Variants in LRRTM4 observed in about 807,000 individuals in gnomAD.
LRRTM4 encodes the protein leucine-rich repeat transmembrane neuronal protein 4.
A neutral mutation model predicts 47.6 loss-of-function variants in LRRTM4; 25 were observed. The ratio of observed to expected loss-of-function variants is 0.53; its 90% CI spans 0.38 to 0.73. The LOEUF is 0.73. Ranked by LOEUF, LRRTM4 falls within the 30% of genes least tolerant of loss-of-function variation. The probability of loss-of-function intolerance (pLI) is 0.00; values close to 1 mark genes in which losing one functional copy is unlikely to be tolerated. For synonymous variants in LRRTM4, 311 were observed against 269.5 expected (o/e 1.15, Z -1.51); for missense variants, 638 against 713.4 (o/e 0.89, Z 1.20).
chr2:77,106,500 A>T (rs1022593001), intron 3 of LRRTM4, among the ~76,000 whole-genome samples: 3 of 152,132 alleles, frequency 2.0e-5, no homozygotes, highest in African/African-American at 7.2e-5. Context: ...TGGCTGATAT[A>T]TCTTTGAGGG....
In LRRTM4 at chr2:77,124,483, T is replaced by C. The variant is rs541046349; in HGVS notation, c.1552-375567A>G. On this transcript the variant is annotated intron_variant, in intron 3 of 3. Coordinates refer to ENST00000409884, the MANE Select transcript of LRRTM4 (RefSeq NM_001134745.3). ...GCACAGAGCAGCACGAGTTCAGAAGTTTTAAAGAAAACTTACTGTCAATGA... is the reference window on the plus strand; with the variant it reads ...GCACAGAGCAGCACGAGTTCAGAAGCTTTAAAGAAAACTTACTGTCAATGA... Among the ~76,000 whole-genome samples, 318 of 152,096 alleles carry C rather than the reference T, an allele frequency of 2.1e-3. 1 individual carries two copies. Among genetic ancestry groups the C allele is most frequent in the African/African-American group, 7.3e-3 (303 of 41,506 alleles).
At chr2:77,512,003 GAGGCTATTCAT>G (rs2104105659) in intron 3 of LRRTM4, among the ~76,000 whole-genome samples, 1 of 152,222 alleles carries the variant, frequency 6.6e-6, no homozygotes, top group East Asian at 1.9e-4. Context: ...TTGGAGCACA[GAGGCTATTCAT>G]AGGCTCAAAC....
At chr2:76,925,518 T>C (rs35601932) in intron 3 of LRRTM4, among the ~76,000 whole-genome samples, 10,913 of 152,234 alleles carry the variant, frequency 0.072, 950 homozygotes, top group African/African-American at 0.2. Context: ...ATTAAGCTTA[T>C]GGTTGTTTGT....
intron 3 of LRRTM4, among the ~76,000 whole-genome samples, chr2:76,837,965 T>G (rs2103920639): frequency 6.6e-6 from 1 of 151,856 alleles, no homozygotes; most frequent in East Asian, 1.9e-4. Context: ...AGGGATAGCA[T>G]TAGGAGATAT....
intron 3 of LRRTM4, among the ~76,000 whole-genome samples, chr2:77,060,047 CCTAT>C (rs1679735641): frequency 6.6e-6 from 1 of 152,150 alleles, no homozygotes; most frequent in African/African-American, 2.4e-5. Flanking sequence ...AGTCTGGCCG[CCTAT>C]CTGTGTGTCA....
chr2:77,090,748 G>A (rs1263656121), intron 3 of LRRTM4, among the ~76,000 whole-genome samples: 3 of 152,082 alleles, frequency 2.0e-5, no homozygotes, highest in Non-Finnish European at 2.9e-5. Flanking sequence ...ACTGGAAATC[G>A]GACTGTTCAA....
At chr2:77,249,429 C>A (rs1675541775) in intron 3 of LRRTM4, among the ~76,000 whole-genome samples, 1 of 151,750 alleles carries the variant, frequency 6.6e-6, no homozygotes, top group African/African-American at 2.4e-5. Flanking sequence ...TGAGAAGCCA[C>A]AAACCGTAGG....
intron 3 of LRRTM4, among the ~76,000 whole-genome samples, chr2:77,438,370 C>T (rs1445670981): frequency 6.8e-6 from 1 of 146,046 alleles, no homozygotes; most frequent in Non-Finnish European, 1.5e-5. Flanking sequence ...CTAAAAGCTA[C>T]ATTTTCGCTC....
intron 3 of LRRTM4, among the ~76,000 whole-genome samples, chr2:77,256,106 C>T (rs1230443548): frequency 6.6e-6 from 1 of 151,918 alleles, no homozygotes; most frequent in East Asian, 1.9e-4. Context: ...TTTATAGTCT[C>T]TGTAAATATC....
chr2:77,077,466 G>A (rs941478093), intron 3 of LRRTM4, among the ~76,000 whole-genome samples: 1 of 152,122 alleles, frequency 6.6e-6, no homozygotes, highest in African/African-American at 2.4e-5. Context: ...AGTCAGAAAT[G>A]TTGGGAAATT....
chr2:76,841,394 G>C (rs756505547), intron 3 of LRRTM4, among the ~76,000 whole-genome samples: 22 of 151,828 alleles, frequency 1.4e-4, no homozygotes, highest in Non-Finnish European at 2.1e-4. Context: ...CCTGCACGTT[G>C]TGCACATGTA....
chr2:77,098,502 T>G (rs2103904846), intron 3 of LRRTM4, among the ~76,000 whole-genome samples: 1 of 152,116 alleles, frequency 6.6e-6, no homozygotes, highest in South Asian at 2.1e-4. Flanking sequence ...AAATTTATAG[T>G]TGTAGTTAAA....
At chr2:77,144,769 GAA>G (rs200395127) in intron 3 of LRRTM4, among the ~76,000 whole-genome samples, 1 of 150,252 alleles carries the variant, frequency 6.7e-6, no homozygotes, top group Non-Finnish European at 1.5e-5. Flanking sequence ...TGATCAAAGA[GAA>G]AAAAAAAGCA....
intron 3 of LRRTM4, among the ~76,000 whole-genome samples, chr2:77,424,433 G>GAAC (rs35795730): frequency 0.35 from 53,850 of 151,858 alleles, 9,627 homozygotes; most frequent in South Asian, 0.37. Flanking sequence ...ATTATACAGT[G>GAAC]AACTGATGAG....
At chr2:76,964,249 G>A (rs1296687739) in intron 3 of LRRTM4, among the ~76,000 whole-genome samples, 2 of 149,366 alleles carry the variant, frequency 1.3e-5, no homozygotes, top group African/African-American at 5.0e-5. Flanking sequence ...AACATTTTAA[G>A]CAATAAAAAA....
intron 3 of LRRTM4, among the ~76,000 whole-genome samples, chr2:76,803,389 A>T (rs531197457): frequency 1.3e-5 from 2 of 152,294 alleles, no homozygotes; most frequent in African/African-American, 4.8e-5. Flanking sequence ...AATTTAAACC[A>T]AAATGAGATA....
intron 3 of LRRTM4, among the ~76,000 whole-genome samples, chr2:77,054,956 C>A (rs545889939): frequency 2.0e-5 from 3 of 152,262 alleles, no homozygotes; most frequent in Non-Finnish European, 2.9e-5. Context: ...TATTAGCAAC[C>A]AGATCACTTG....
intron 3 of LRRTM4, among the ~76,000 whole-genome samples, chr2:77,088,921 T>C (rs1364760044): frequency 6.6e-6 from 1 of 152,040 alleles, no homozygotes; most frequent in Admixed American, 6.5e-5. Flanking sequence ...CTCTCCCTTC[T>C]CTTAATTTCA....
chr2:76,900,541 G>C lies in LRRTM4; in HGVS notation c.1552-151625C>G, dbSNP rs556652630. 1.6e-4 allele frequency among the ~76,000 whole-genome samples: 25 copies of C among 151,800 alleles called. No individual in the cohort carries two copies. The South Asian group carries it at 5.0e-3, about 30-fold the overall frequency. On this transcript the variant is annotated intron_variant, in intron 3 of 3. Transcript: ENST00000409884. ...TGTGCCAAAGCATAAAATAGTTCCT[G>C]GTATATTATGGCTTTCTATAAAGAT...
Sources: gnomAD v4.1 joint callset for allele counts (sites outside exome capture counted in the v4.1 genomes callset) on GRCh38, gnomAD v4.1.1 for gene constraint, MANE v1.5 for transcripts, NCBI Gene and HGNC (gene_info 2026-07-23, HGNC 2026-07-21) for gene names.